Variants in PPFIA1 observed in about 807,000 individuals in gnomAD.
The protein encoded by PPFIA1 is liprin-alpha-1.
PPFIA1 carries 25 observed loss-of-function variants against 149.9 expected under a neutral mutation model. The ratio of observed to expected loss-of-function variants is 0.17; its 90% CI spans 0.12 to 0.23. The LOEUF (loss-of-function observed/expected upper bound fraction) is 0.23. Among genes scored for constraint, PPFIA1 ranks in the 10% least tolerant of loss-of-function variants. The probability of loss-of-function intolerance (pLI) is 1.00; values close to 1 mark genes in which losing one functional copy is unlikely to be tolerated. For synonymous variants in PPFIA1, 549 were observed against 552.8 expected (o/e 0.99, Z 0.10); for missense variants, 1,362 against 1,506.5 (o/e 0.90, Z 1.59).
intron 21 of PPFIA1, among the ~76,000 whole-genome samples, chr11:70,371,128 C>T (rs1312913728): frequency 6.6e-6 from 1 of 152,098 alleles, no homozygotes; most frequent in Non-Finnish European, 1.5e-5. Flanking sequence ...GGAGCAATTT[C>T]CCCTTGTAAT....
intron 20 of PPFIA1, 37 bp from the exon 21 acceptor site, chr11:70,362,251 C>G (rs760411412): frequency 8.1e-6 from 13 of 1,613,534 alleles, no homozygotes; most frequent in Non-Finnish European, 1.1e-5. Flanking sequence ...TAGACTGTAC[C>G]TCACTGTGCT....
intron 14 of PPFIA1, among the ~76,000 whole-genome samples, chr11:70,342,992 G>A: frequency 8.1e-6 from 1 of 123,124 alleles, no homozygotes; most frequent in East Asian, 2.4e-4. Flanking sequence ...CTGTCGCCCA[G>A]GCTGGAGTGC....
Position 70,332,020 on chromosome 11 carries a change from C to A in PPFIA1, c.1138C>A (p.Gln380Lys). 6.2e-7 allele frequency: 1 copy of A among 1,613,170 alleles called. No homozygotes were observed. Among genetic ancestry groups the A allele is most frequent in the Non-Finnish European group, 8.5e-7 (1 of 1,179,572 alleles). ...RLELAEQKLQ[Q>K]TLRKAETLPE... Reference sequence around the variant, plus strand: ...GGAATTGGCAGAGCAAAAGCTGCAACAGACACTGAGGAAGGCAGAGACGCT... The same window carrying A: ...GGAATTGGCAGAGCAAAAGCTGCAAAAGACACTGAGGAAGGCAGAGACGCT... Residue 380 changes from glutamine to lysine, a missense_variant, in exon 9 of 28, where the codon CAG (glutamine) becomes AAG (lysine). By Grantham distance (53) the Gln-to-Lys change is moderately conservative. Coordinates refer to ENST00000253925, the MANE Select transcript of PPFIA1 (RefSeq NM_003626.5).
intron 2 of PPFIA1, among the ~76,000 whole-genome samples, chr11:70,309,997 G>A (rs1475170138): frequency 1.3e-5 from 2 of 152,138 alleles, no homozygotes; most frequent in Non-Finnish European, 2.9e-5. Context: ...TTAGGATGGA[G>A]AATTTTATGT....
Position 70,324,473 on chromosome 11 carries a change from T to C in PPFIA1, c.336T>C (p.Ala112=), listed in dbSNP as rs1447937526. 6.2e-7 allele frequency: 1 copy of C among 1,613,398 alleles called. No homozygotes were observed. Among genetic ancestry groups the C allele is most frequent in the Non-Finnish European group, 8.5e-7 (1 of 1,179,294 alleles). ...TCCTTGAAAGGGAAGAAGAAATTGC[T>C]GAACTGAAAGCAGAAAGGAATAACA... The part of the protein sequence containing the change: ...EQLLEREEEI[A]ELKAERNNTR... The change falls in exon 3 of 28, where the codon GCT becomes GCC. Residue 112 remains alanine, a synonymous_variant. Coordinates refer to ENST00000253925, the MANE Select transcript of PPFIA1 (RefSeq NM_003626.5).
intron 25 of PPFIA1, among the ~76,000 whole-genome samples, chr11:70,377,458 A>C (rs541097050): frequency 6.6e-6 from 1 of 152,342 alleles, no homozygotes; most frequent in South Asian, 2.1e-4. Context: ...AAGATGAAGC[A>C]CTTGTTGCTA....
At chr11:70,301,248 C>T (rs1252031212) in intron 2 of PPFIA1, among the ~76,000 whole-genome samples, 1 of 152,204 alleles carries the variant, frequency 6.6e-6, no homozygotes, top group African/African-American at 2.4e-5. Context: ...CTAGCCTGCA[C>T]AAAGTAGACA....
chr11:70,378,998 C>A (rs2057597304), intron 26 of PPFIA1, among the ~76,000 whole-genome samples: 1 of 152,200 alleles, frequency 6.6e-6, no homozygotes, highest in Non-Finnish European at 1.5e-5. Flanking sequence ...CTGAACAAGT[C>A]ATTTAACTAC....
chr11:70,310,495 C>T (rs774654253), intron 2 of PPFIA1, among the ~76,000 whole-genome samples: 11 of 150,948 alleles, frequency 7.3e-5, no homozygotes. Context: ...AAGCGATTCT[C>T]TTGCCTCAGC....
intron 15 of PPFIA1, among the ~76,000 whole-genome samples, chr11:70,344,861 G>T (rs1202297272): frequency 1.3e-5 from 2 of 152,214 alleles, no homozygotes; most frequent in Non-Finnish European, 1.5e-5. Context: ...GGAGCTCAGT[G>T]GCTTAAAACA....
intron 2 of PPFIA1, among the ~76,000 whole-genome samples, chr11:70,295,580 C>T (rs915649321): frequency 7.0e-6 from 1 of 143,066 alleles, no homozygotes; most frequent in African/African-American, 2.7e-5. Context: ...ACCTCCCTCC[C>T]GGATGGAGCG....
At position 70,330,276 on chromosome 11, in the gene PPFIA1, A is replaced by C; in HGVS notation, c.1034A>C (p.Lys345Thr). Residue 345 changes from lysine to threonine, a missense_variant, in exon 8 of 28, where the codon AAA becomes ACA. Transcript: ENST00000253925. ...EATSVHDLND[K>T]LENEIANKDS... ...ACATCTGTGCATGACCTCAATGATA[A>C]ACTTGAAAATGAAATTGCAAATAAA... 1 of 1,582,342 alleles carries C rather than the reference A, an allele frequency of 6.3e-7. No individual in the cohort carries two copies. Among genetic ancestry groups the C allele is most frequent in the Non-Finnish European group, 8.6e-7 (1 of 1,169,000 alleles).
intron 2 of PPFIA1, among the ~76,000 whole-genome samples, chr11:70,279,721 AGGT>A (rs955237190): frequency 8.1e-5 from 10 of 123,462 alleles, no homozygotes; most frequent in African/African-American, 3.7e-4. Flanking sequence ...GTATGTGTCT[AGGT>A]GTGTGTGTGT....
At chr11:70,366,281 A>T (rs141299960) in intron 21 of PPFIA1, among the ~76,000 whole-genome samples, 7 of 152,214 alleles carry the variant, frequency 4.6e-5, no homozygotes, top group African/African-American at 1.7e-4. Flanking sequence ...TTATGTATGT[A>T]ATTTCCTGGT....
intron 2 of PPFIA1, among the ~76,000 whole-genome samples, chr11:70,311,759 G>A (rs2053298497): frequency 6.7e-6 from 1 of 150,356 alleles, no homozygotes; most frequent in Non-Finnish European, 1.5e-5. Context: ...CATAAACCAA[G>A]AGGAATAATA....
chr11:70,309,500 T>G (rs1254413036), intron 2 of PPFIA1, among the ~76,000 whole-genome samples: 1 of 152,142 alleles, frequency 6.6e-6, no homozygotes, highest in Non-Finnish European at 1.5e-5. Flanking sequence ...GCTTGCTTAT[T>G]CTATGCAATT....
In PPFIA1 at chr11:70,314,902, A is replaced by G. The variant is rs532729901; in HGVS notation, c.265-9500A>G. On this transcript the variant is annotated intron_variant, in intron 2 of 27. Transcript: ENST00000253925. ...CCGCATGGCTGGGGAGGCCTCAGGA[A>G]AGTTACAGTCACAGGGGAAGGCAAA... 1.2e-4 allele frequency among the ~76,000 whole-genome samples: 18 copies of G among 152,304 alleles called. No individual in the cohort carries two copies. The South Asian group carries it at 3.3e-3, about 28-fold the overall frequency.
chr11:70,317,977 A>T (rs1241368054), intron 2 of PPFIA1, among the ~76,000 whole-genome samples: 1 of 151,930 alleles, frequency 6.6e-6, no homozygotes, highest in Non-Finnish European at 1.5e-5. Flanking sequence ...CCTTGTCAGG[A>T]TTCTTCATCT....
In PPFIA1 at chr11:70,333,207, G is replaced by C. The variant is rs567891734; in HGVS notation, c.1213-263G>C. 540 of 557,214 alleles carry C rather than the reference G, an allele frequency of 9.7e-4. 7 individuals are homozygous for C. The highest frequency in any genetic ancestry group is 8.6e-3 in the South Asian group (525 of 61,248). 34.5% of individuals were successfully genotyped at this position (557,214 alleles called of 1,614,324 possible). ...GAGAATCACGACTCCATTGAGATTGGGCATAGGGGTTGGGGGGAAAACACC... is the reference window on the plus strand; with the variant it reads ...GAGAATCACGACTCCATTGAGATTGCGCATAGGGGTTGGGGGGAAAACACC... On this transcript the variant is annotated intron_variant, in intron 9 of 27. Transcript: ENST00000253925.
Sources: allele counts gnomAD v4.1 joint callset (sites outside exome capture counted in the v4.1 genomes callset), GRCh38; gene constraint gnomAD v4.1.1; transcripts MANE v1.5; gene names NCBI Gene and HGNC (gene_info 2026-07-23, HGNC 2026-07-21).